The following CCDC148 variants were observed in gnomAD, a reference collection of about 807,000 sequenced individuals.
The protein encoded by CCDC148 is coiled-coil domain-containing protein 148.
In CCDC148, 89 loss-of-function variants were observed where a neutral mutation model predicts 85.7. That is an observed-to-expected ratio of 1.04 (90% CI 0.87 to 1.24). CCDC148 has a LOEUF of 1.24. Among genes scored for constraint, CCDC148 ranks in the 50% most tolerant of loss-of-function variants. The pLI, the probability that CCDC148 is intolerant of heterozygous loss-of-function variation, is 0.00. For synonymous variants in CCDC148, 230 were observed against 213.9 expected, an observed-to-expected ratio of 1.08 and a Z score of -0.66; for missense variants, 692 against 671.7, an observed-to-expected ratio of 1.03 and a Z score of -0.33.
intron 1 of CCDC148, among the ~76,000 whole-genome samples, chr2:158,418,782 T>C (rs903346467): frequency 6.6e-6 from 1 of 152,138 alleles, no homozygotes; most frequent in African/African-American, 2.4e-5. Context: ...ATGTTTTCTG[T>C]CTTATTTATC....
At chr2:158,281,577 G>A (rs1690302839) in intron 9 of CCDC148, among the ~76,000 whole-genome samples, 1 of 152,276 alleles carries the variant, frequency 6.6e-6, no homozygotes, top group Admixed American at 6.5e-5. Flanking sequence ...ACTAAACCAG[G>A]AAGAAGTTGA....
At chr2:158,189,119 AG>A (rs1382445298) in intron 11 of CCDC148, among the ~76,000 whole-genome samples, 1 of 151,974 alleles carries the variant, frequency 6.6e-6, no homozygotes, top group Non-Finnish European at 1.5e-5. Flanking sequence ...TTGAAGAGAA[AG>A]GGAACACTTA....
chr2:158,345,860 T>G (rs946787828), intron 2 of CCDC148, among the ~76,000 whole-genome samples: 1 of 152,204 alleles, frequency 6.6e-6, no homozygotes, highest in Non-Finnish European at 1.5e-5. Context: ...GGATAAGTTT[T>G]TAGAAGGCCT....
intron 10 of CCDC148, among the ~76,000 whole-genome samples, chr2:158,227,596 T>A (rs1233118352): frequency 6.6e-6 from 1 of 152,168 alleles, no homozygotes; most frequent in Non-Finnish European, 1.5e-5. Context: ...ATGATACTGG[T>A]ACCAAAACAG....
chr2:158,242,332 A>G (rs562414713), intron 10 of CCDC148, among the ~76,000 whole-genome samples: 27 of 152,298 alleles, frequency 1.8e-4, no homozygotes, highest in African/African-American at 6.5e-4. Flanking sequence ...TGGGGTAACA[A>G]TAATAAAAGT....
In CCDC148 at chr2:158,345,211, T is replaced by G; in HGVS notation, c.251+4A>C. ...GTGTTCTTACTATGTCCCCCAGTTCTTACCTGACTTCATTCAGCCTCTGGT... is the reference window on the plus strand; with the variant it reads ...GTGTTCTTACTATGTCCCCCAGTTCGTACCTGACTTCATTCAGCCTCTGGT... On this transcript the variant is annotated splice_donor_region_variant and intron_variant, in intron 3 of 13. Coordinates refer to ENST00000283233, the MANE Select transcript of CCDC148 (RefSeq NM_138803.4). The G allele has an allele frequency of 6.2e-7, 1 of 1,609,430 alleles. No individual in the cohort carries two copies. The highest frequency in any genetic ancestry group is 8.5e-7 in the Non-Finnish European group (1 of 1,176,362).
intron 10 of CCDC148, among the ~76,000 whole-genome samples, chr2:158,247,827 G>C (rs1162174961): frequency 6.6e-6 from 1 of 152,140 alleles, no homozygotes; most frequent in Non-Finnish European, 1.5e-5. Flanking sequence ...TTGCACTCCA[G>C]CCTGGGCGAC....
At chr2:158,290,037 AG>A (rs1350554247) in intron 9 of CCDC148, among the ~76,000 whole-genome samples, 23 of 152,306 alleles carry the variant, frequency 1.5e-4, no homozygotes, top group African/African-American at 5.5e-4. Flanking sequence ...TGGGAAGGTG[AG>A]GGGTTAGGGT....
chr2:158,227,811 A>T (rs1208000736), intron 10 of CCDC148, among the ~76,000 whole-genome samples: 1 of 152,222 alleles, frequency 6.6e-6, no homozygotes, highest in African/African-American at 2.4e-5. Context: ...TTAGTTCAAG[A>T]TTGATTAAAG....
chr2:158,227,679 CA>C (rs1463388133), intron 10 of CCDC148, among the ~76,000 whole-genome samples: 8 of 152,130 alleles, frequency 5.3e-5, no homozygotes, highest in African/African-American at 1.9e-4. Context: ...TGATCTTTGA[CA>C]AACCTGACAA....
intron 1 of CCDC148, among the ~76,000 whole-genome samples, chr2:158,374,979 TTTG>T (rs150841376): frequency 0.058 from 8,849 of 152,196 alleles, 353 homozygotes; most frequent in Non-Finnish European, 0.081. Context: ...TATTTGTATT[TTTG>T]TTGTTCTATG....
chr2:158,421,766 C>CA (rs1456460078), intron 1 of CCDC148, among the ~76,000 whole-genome samples: 4 of 151,960 alleles, frequency 2.6e-5, no homozygotes, highest in Admixed American at 6.6e-5. Flanking sequence ...GATAGAGACA[C>CA]AAAAAACCCT....
chr2:158,390,164 G>T (rs1056847569), intron 1 of CCDC148, among the ~76,000 whole-genome samples: 1 of 152,152 alleles, frequency 6.6e-6, no homozygotes, highest in Non-Finnish European at 1.5e-5. Context: ...GTACAAGGAA[G>T]ACTTAAAACA....
At chr2:158,409,618 G>C (rs1386727174) in intron 1 of CCDC148, among the ~76,000 whole-genome samples, 1 of 152,222 alleles carries the variant, frequency 6.6e-6, no homozygotes, top group Non-Finnish European at 1.5e-5. Context: ...AGGTGGAAGG[G>C]ACTTGCCTTG....
At chr2:158,326,565 C>A (rs1692788676) in intron 7 of CCDC148, among the ~76,000 whole-genome samples, 1 of 152,072 alleles carries the variant, frequency 6.6e-6, no homozygotes, top group Non-Finnish European at 1.5e-5. Flanking sequence ...GCTCCATTTT[C>A]CTTTTGGCTG....
At chr2:158,342,059 T>C (rs1400606066) in intron 3 of CCDC148, among the ~76,000 whole-genome samples, 1 of 140,572 alleles carries the variant, frequency 7.1e-6, no homozygotes, top group African/African-American at 2.8e-5. Context: ...AGAAGGAGTC[T>C]TGCTGGGTCG....
intron 11 of CCDC148, among the ~76,000 whole-genome samples, chr2:158,210,696 C>A (rs570705332): frequency 3.7e-4 from 55 of 149,646 alleles, no homozygotes; most frequent in Admixed American, 2.4e-3. Context: ...GTAATCCCAG[C>A]ACTTTGGGAG....
intron 9 of CCDC148, among the ~76,000 whole-genome samples, chr2:158,262,970 G>GTCACTA (rs1380780090): frequency 1.3e-5 from 2 of 152,090 alleles, no homozygotes; most frequent in Admixed American, 1.3e-4. Flanking sequence ...CATCTAGCAT[G>GTCACTA]TCACTACGTG....
intron 11 of CCDC148, among the ~76,000 whole-genome samples, chr2:158,199,880 A>C (rs1685864848): frequency 6.6e-6 from 1 of 152,212 alleles, no homozygotes; most frequent in Non-Finnish European, 1.5e-5. Context: ...AAGCATAAAC[A>C]TCTATTTTTC....
Sources: gnomAD v4.1 joint callset for allele counts (sites outside exome capture counted in the v4.1 genomes callset) on GRCh38, gnomAD v4.1.1 for gene constraint, MANE v1.5 for transcripts, NCBI Gene and HGNC (gene_info 2026-07-23, HGNC 2026-07-21) for gene names.